The following PCDH15 variants were observed in gnomAD, a reference collection of about 807,000 sequenced individuals.
The protein encoded by PCDH15 is protocadherin-15.
PCDH15 carries 129 observed loss-of-function variants against 178.5 expected under a neutral mutation model. The ratio of observed to expected loss-of-function variants is 0.72; its 90% CI spans 0.63 to 0.84. PCDH15 has a LOEUF of 0.84. Among genes scored for constraint, PCDH15 ranks in the 40% least tolerant of loss-of-function variants. The pLI is 0.00. For synonymous variants in PCDH15, 800 were observed against 732.0 expected (o/e 1.09, Z -1.50); for missense variants, 2,230 against 2,099.9 (o/e 1.06, Z -1.21).
At chr10:55,418,800 C>A (rs1838548935) in intron 2 of PCDH15, among the ~76,000 whole-genome samples, 1 of 151,682 alleles carries the variant, frequency 6.6e-6, no homozygotes. Context: ...GACAAGTTCT[C>A]TTATTGTTGA....
At chr10:54,725,297 A>T (rs1433536163) in intron 1 of PCDH15, among the ~76,000 whole-genome samples, 1 of 150,726 alleles carries the variant, frequency 6.6e-6, no homozygotes, top group East Asian at 2.0e-4. Context: ...GAAAATGTCC[A>T]TTTTCTTAGT....
intron 14 of PCDH15, among the ~76,000 whole-genome samples, chr10:54,135,449 G>A (rs2042823381): frequency 6.6e-6 from 1 of 151,950 alleles, no homozygotes; most frequent in African/African-American, 2.4e-5. Context: ...TGAAACAATG[G>A]GAAGTTACAA....
At chr10:53,809,612 C>A (rs951588200) in intron 37 of PCDH15, 35 of 1,455,066 alleles carry the variant, frequency 2.4e-5, no homozygotes, top group Non-Finnish European at 3.0e-5. Flanking sequence ...CCTTGTCCCA[C>A]GAAAGCTACG....
Position 55,292,013 on chromosome 10 carries a change from A to G in PCDH15, c.-156+27586T>C, listed in dbSNP as rs574723618. Among the ~76,000 whole-genome samples the G allele has an allele frequency of 2.6e-5, 4 of 152,240 alleles. No individual in the cohort carries two copies. In the South Asian group the frequency reaches 8.3e-4, roughly 32 times the overall value. On this transcript the variant is annotated intron_variant, in intron 1 of 5. Coordinates refer to the PCDH15 transcript ENST00000458638. ...TTCTCACAACACATGGGAATTCAAGATAAGATTTGGGCAGGAACACAGCCA... is the reference window on the plus strand; with the variant it reads ...TTCTCACAACACATGGGAATTCAAGGTAAGATTTGGGCAGGAACACAGCCA...
chr10:53,849,293 C>T lies in PCDH15; in HGVS notation c.3806+7882G>A, dbSNP rs1589079114. 4.0e-5 allele frequency among the ~76,000 whole-genome samples: 6 copies of T among 151,846 alleles called. 1 individual carries two copies. On this transcript the variant is annotated intron_variant, in intron 28 of 37. Transcript: ENST00000644397. ...ATGATTTCTTTTTTTTATATTACAT[C>T]TCTCAGATGGCAAGTGTTAACTAAG...
intron 2 of PCDH15, among the ~76,000 whole-genome samples, chr10:55,097,894 C>A (rs1468004035): frequency 2.6e-5 from 4 of 151,998 alleles, no homozygotes; most frequent in Admixed American, 1.3e-4. Flanking sequence ...AAATTGAGTT[C>A]TTGGTAACAA....
At chr10:54,363,047 TATATATGTTATAGG>T (rs1325902117) in intron 5 of PCDH15, among the ~76,000 whole-genome samples, 5 of 152,076 alleles carry the variant, frequency 3.3e-5, no homozygotes, top group Non-Finnish European at 7.4e-5. Context: ...AGCGTAGAAA[TATATATGTTATAGG>T]ATATTTTTCT....
chr10:54,123,125 T>C (rs12244792), intron 15 of PCDH15, among the ~76,000 whole-genome samples: 4,462 of 152,192 alleles, frequency 0.029, 237 homozygotes, highest in African/African-American at 0.1. Flanking sequence ...GGATTTATGA[T>C]TAAGTCCTCG....
At chr10:53,871,482 A>T (rs201853377) in intron 26 of PCDH15, among the ~76,000 whole-genome samples, 1 of 58,144 alleles carries the variant, frequency 1.7e-5, no homozygotes, top group Admixed American at 2.1e-4. Context: ...GTGTGTGTGT[A>T]TATACACAAA....
At chr10:53,906,981 T>A (rs1013015700) in intron 25 of PCDH15, 1 of 152,130 alleles carries the variant, frequency 6.6e-6, no homozygotes, top group Non-Finnish European at 1.5e-5. Context: ...GAAATTGTAG[T>A]GTGTCTACTT....
intron 1 of PCDH15, among the ~76,000 whole-genome samples, chr10:54,798,248 A>G (rs1463059991): frequency 6.6e-6 from 1 of 151,902 alleles, no homozygotes; most frequent in East Asian, 1.9e-4. Context: ...CTTCCTTCCA[A>G]TACCCTTGGA....
chr10:54,700,750 A>G (rs2095298728), intron 1 of PCDH15, among the ~76,000 whole-genome samples: 1 of 152,092 alleles, frequency 6.6e-6, no homozygotes, highest in South Asian at 2.1e-4. Flanking sequence ...GCATCCCTAT[A>G]GGAGAAAGAG....
chr10:54,107,900 A>T (rs117367967), intron 15 of PCDH15, among the ~76,000 whole-genome samples: 1 of 152,342 alleles, frequency 6.6e-6, no homozygotes, highest in East Asian at 1.9e-4. Flanking sequence ...CAGAACCCAA[A>T]GCAGGTAAGC....
At chr10:54,303,128 G>A (rs978783863) in intron 8 of PCDH15, among the ~76,000 whole-genome samples, 1 of 152,070 alleles carries the variant, frequency 6.6e-6, no homozygotes, top group Non-Finnish European at 1.5e-5. Context: ...AATTGGTACA[G>A]TTCTTGACTG....
intron 2 of PCDH15, among the ~76,000 whole-genome samples, chr10:55,352,685 C>T (rs1182594406): frequency 6.6e-6 from 1 of 152,076 alleles, no homozygotes; most frequent in African/African-American, 2.4e-5. Context: ...GTTGTCTCCT[C>T]TTATTTTAAG....
chr10:54,079,026 A>C (rs189398472), intron 17 of PCDH15, among the ~76,000 whole-genome samples: 1 of 152,348 alleles, frequency 6.6e-6, no homozygotes, highest in Admixed American at 6.5e-5. Context: ...TTCATGGTGC[A>C]GTGCAAATGA....
At chr10:55,024,460 CACAT>C (rs778087359) in intron 2 of PCDH15, among the ~76,000 whole-genome samples, 11,063 of 144,750 alleles carry the variant, frequency 0.076, 637 homozygotes, top group African/African-American at 0.17. Context: ...TATATACACA[CACAT>C]ATATATATAC....
At chr10:54,867,236 T>C (rs1953958315) in intron 3 of PCDH15, among the ~76,000 whole-genome samples, 1 of 152,130 alleles carries the variant, frequency 6.6e-6, no homozygotes, top group African/African-American at 2.4e-5. Context: ...GTGTTGTGCA[T>C]TGGGATTCAG....
At chr10:55,309,569 T>C (rs1843525330) in intron 1 of PCDH15, among the ~76,000 whole-genome samples, 1 of 152,058 alleles carries the variant, frequency 6.6e-6, no homozygotes, top group Non-Finnish European at 1.5e-5. Context: ...ATTGTGCTTT[T>C]GCTGAACCTA....
Sources: gnomAD v4.1 joint callset for allele counts (sites outside exome capture counted in the v4.1 genomes callset) on GRCh38, gnomAD v4.1.1 for gene constraint, MANE v1.5 for transcripts, NCBI Gene and HGNC (gene_info 2026-07-23, HGNC 2026-07-21) for gene names.